Variants in VTI1B observed in about 807,000 individuals in gnomAD.
VTI1B encodes vesicle transport through interaction with t-SNAREs 1B.
VTI1B carries 18 observed loss-of-function variants against 28.6 expected under a neutral mutation model. That is an observed-to-expected ratio of 0.63 (90% CI 0.43 to 0.93). The LOEUF (loss-of-function observed/expected upper bound fraction) is 0.93. Ranked by LOEUF, VTI1B falls within the 40% of genes least tolerant of loss-of-function variation. VTI1B has a pLI of 0.00. For synonymous variants in VTI1B, 100 were observed against 107.9 expected (o/e 0.93, Z 0.46); for missense variants, 283 against 297.0 (o/e 0.95, Z 0.35).
intron 1 of VTI1B, among the ~76,000 whole-genome samples, chr14:67,666,840 T>A: frequency 6.6e-6 from 1 of 152,242 alleles, no homozygotes; most frequent in Non-Finnish European, 1.5e-5. Flanking sequence ...ATTAAACAAC[T>A]GTATACTGTA....
rs376169621 is a variant in VTI1B, at chr14:67,663,652, C to T, written c.116-1117G>A. Among the ~76,000 whole-genome samples the T allele has an allele frequency of 8.6e-5, 13 of 151,864 alleles. No homozygotes were observed. The South Asian group carries it at 2.5e-3, about 29-fold the overall frequency. ...TTGTGCCACTGCACTCCAGCCTGGGCGACAGAGGGAGACTCCATTTCAAAA... is the reference window on the plus strand; with the variant it reads ...TTGTGCCACTGCACTCCAGCCTGGGTGACAGAGGGAGACTCCATTTCAAAA... On this transcript the variant is annotated intron_variant, in intron 1 of 5. Transcript: ENST00000554659.
chr14:67,663,245 A>G, intron 1 of VTI1B: 1 of 1,229,470 alleles, frequency 8.1e-7, no homozygotes, highest in Non-Finnish European at 1.1e-6. Context: ...TAACTAAAAC[A>G]GTATTGTCTT....
chr14:67,674,378 T>A lies in VTI1B; in HGVS notation c.112A>T (p.Thr38Ser), dbSNP rs531152724. 245 of 1,592,264 alleles carry A rather than the reference T, an allele frequency of 1.5e-4. 1 individual carries two copies. The highest frequency in any genetic ancestry group is 1.4e-3 in the Middle Eastern group (6 of 4,366). Residue 38 changes from threonine (T) to serine (S), a missense_variant, in exon 1 of 6, where the codon ACC becomes TCC. Transcript: ENST00000554659. ...VPERLLGTAG[T>S]EEKKKLIRDF... ...GCGTGGCCCACCCCCGCCTCACCGG[T>A]CCCCGCCGTCCCCAGCAGCCGCTCG...
At chr14:67,663,161 T>A in intron 1 of VTI1B, 1 of 1,533,116 alleles carries the variant, frequency 6.5e-7, no homozygotes, top group Non-Finnish European at 8.7e-7. Context: ...GTTGAGTGTA[T>A]CTTTAATACC....
rs563001008 is a variant in VTI1B, at chr14:67,672,242, C to T, written c.115+2133G>A. Among the ~76,000 whole-genome samples, 10 of 151,792 alleles carry T rather than the reference C, an allele frequency of 6.6e-5. No individual in the cohort carries two copies. In the East Asian group the frequency reaches 9.7e-4, roughly 15 times the overall value. On this transcript the variant is annotated intron_variant, in intron 1 of 5. Transcript: ENST00000554659. The stretch of plus-strand genomic sequence containing the variant: ...CAAGTGATCCTCCCACCTCAGCCTC[C>T]CCAGGAGCTGGGACTACAGGCATGC...
chr14:67,662,710 C>A (rs1261263286), intron 1 of VTI1B, among the ~76,000 whole-genome samples, 175 bp from the exon 2 acceptor site: 5 of 152,062 alleles, frequency 3.3e-5, no homozygotes, highest in African/African-American at 9.7e-5. Flanking sequence ...TCAAGACCAC[C>A]CTGGCCAACC....
intron 3 of VTI1B, 96 bp from the exon 4 acceptor site, chr14:67,656,685 A>C: frequency 7.6e-7 from 1 of 1,318,994 alleles, no homozygotes; most frequent in Non-Finnish European, 1.0e-6. Context: ...GAAGGGATAT[A>C]GTGAGCAATA....
chr14:67,653,584 AGGGATATATG>A, intron 4 of VTI1B, 86 bp from the exon 5 acceptor site: 1 of 1,213,528 alleles, frequency 8.2e-7, no homozygotes, highest in South Asian at 1.3e-5. Context: ...GTAGGCATTA[AGGGATATATG>A]TTGAAAAATT....
Position 67,647,686 on chromosome 14 carries a change from A to C in VTI1B, c.*3699T>G, listed in dbSNP as rs1283684009. 2 of 171,768 alleles carry C rather than the reference A, an allele frequency of 1.2e-5. No homozygotes were observed. Among genetic ancestry groups the C allele is most frequent in the African/African-American group, 4.7e-5 (2 of 42,226 alleles). The allele number at this position is 171,768 out of a possible 1,614,324, so 10.6% of individuals were successfully genotyped here. A position where few individuals can be genotyped will look rare whatever the true frequency, so the allele number is the denominator to read the frequency against. On this transcript the variant is annotated 3_prime_UTR_variant, in exon 6 of 6. Coordinates refer to ENST00000554659, the MANE Select transcript of VTI1B (RefSeq NM_006370.3). ...AAATTAGACTAATTTAAATTGTCTAATTAAATTGTCTCTAGATGAGAGCCC... is the reference window on the plus strand; with the variant it reads ...AAATTAGACTAATTTAAATTGTCTACTTAAATTGTCTCTAGATGAGAGCCC...
intron 4 of VTI1B, 71 bp downstream of exon 4, chr14:67,656,345 G>T: frequency 7.0e-7 from 1 of 1,424,384 alleles, no homozygotes; most frequent in Non-Finnish European, 9.3e-7. Flanking sequence ...TTTGGCCTTA[G>T]TACGGTTTCC....
chr14:67,666,205 C>A (rs2037400551), intron 1 of VTI1B, among the ~76,000 whole-genome samples: 1 of 152,188 alleles, frequency 6.6e-6, no homozygotes, highest in Non-Finnish European at 1.5e-5. Flanking sequence ...GACTTTTCTA[C>A]AACTGTGTTT....
At chr14:67,658,607 A>G (rs2037296537) in intron 3 of VTI1B, among the ~76,000 whole-genome samples, 1 of 152,194 alleles carries the variant, frequency 6.6e-6, no homozygotes, top group Non-Finnish European at 1.5e-5. Context: ...AAAAAAAATA[A>G]TAATAATTTC....
At chr14:67,659,997 T>C in intron 2 of VTI1B, 75 bp from the exon 3 acceptor site, 1 of 1,372,586 alleles carries the variant, frequency 7.3e-7, no homozygotes, top group Non-Finnish European at 1.0e-6. Flanking sequence ...TAGTTTGGAC[T>C]AATCAAACTA....
intron 5 of VTI1B, 75 bp downstream of exon 5, chr14:67,653,362 G>A: frequency 7.5e-7 from 1 of 1,341,516 alleles, no homozygotes; most frequent in Non-Finnish European, 1.1e-6. Context: ...GAGGACCTTT[G>A]TAAGTCACTA....
intron 1 of VTI1B, 121 bp downstream of exon 1, chr14:67,674,254 G>T: frequency 1.1e-6 from 1 of 894,644 alleles, no homozygotes; most frequent in Non-Finnish European, 1.6e-6. Flanking sequence ...AGCCCTAGGG[G>T]GCGTGTCTGA....
At chr14:67,652,737 G>A (rs890148806) in intron 5 of VTI1B, 2 of 152,160 alleles carry the variant, frequency 1.3e-5, no homozygotes, top group African/African-American at 4.8e-5. Context: ...AGGGCAAGCA[G>A]AGCCAAAAGC....
intron 1 of VTI1B, among the ~76,000 whole-genome samples, chr14:67,665,257 AT>A (rs2037386148): frequency 8.1e-6 from 1 of 122,974 alleles, no homozygotes; most frequent in African/African-American, 2.9e-5. Flanking sequence ...TGTCAGTTAT[AT>A]CTTTTTTTTT....
At chr14:67,654,857 G>A (rs947386792) in intron 4 of VTI1B, among the ~76,000 whole-genome samples, 31 of 151,668 alleles carry the variant, frequency 2.0e-4, no homozygotes, top group African/African-American at 6.8e-4. Flanking sequence ...GTGAAACCCC[G>A]TCTCTACTAA....
chr14:67,658,159 G>A (rs1223383383), intron 3 of VTI1B, among the ~76,000 whole-genome samples: 1 of 152,092 alleles, frequency 6.6e-6, no homozygotes, highest in African/African-American at 2.4e-5. Context: ...AAGGAAAAAG[G>A]TTTTCAAAAT....
Sources: allele counts gnomAD v4.1 joint callset (sites outside exome capture counted in the v4.1 genomes callset), GRCh38; gene constraint gnomAD v4.1.1; transcripts MANE v1.5; gene names NCBI Gene and HGNC (gene_info 2026-07-23, HGNC 2026-07-21).